The following INSL6 variants were observed in gnomAD, a reference collection of about 807,000 sequenced individuals.
INSL6 encodes insulin like 6.
Under a neutral mutation model 9.4 loss-of-function variants are expected in INSL6, and 16 were observed. That is an observed-to-expected ratio of 1.70 (90% CI 1.15 to 2.59). The LOEUF (loss-of-function observed/expected upper bound fraction) is 2.59, where lower values mean the gene tolerates loss of function less well. Ranked by LOEUF, INSL6 falls within the 30% of genes most tolerant of loss-of-function variation. The pLI is 0.00. For synonymous variants in INSL6, 154 were observed against 96.9 expected (o/e 1.59, Z -3.46); for missense variants, 391 against 257.3 (o/e 1.52, Z -3.56).
the INSL6 span, among the ~76,000 whole-genome samples, chr9:5,030,632 G>A: frequency 6.6e-6 from 1 of 152,034 alleles, no homozygotes; most frequent in African/African-American, 2.4e-5. Context: ...ATCCAAGCCT[G>A]GTTTGCTTCA....
At chr9:5,127,073 T>A (rs1478384616) in intron 3 of INSL6, 1 of 264,978 alleles carries the variant, frequency 3.8e-6, no homozygotes, top group Non-Finnish European at 7.2e-6. Flanking sequence ...AGAAAAAAAA[T>A]AGACTTTTTC....
chr9:5,024,619 A>C, the INSL6 span, among the ~76,000 whole-genome samples: 1 of 152,142 alleles, frequency 6.6e-6, no homozygotes, highest in Non-Finnish European at 1.5e-5. Context: ...TTTCCCAAAT[A>C]AACTCTCCTC....
chr9:5,116,313 A>C, the INSL6 span, among the ~76,000 whole-genome samples: 1 of 152,208 alleles, frequency 6.6e-6, no homozygotes, highest in Non-Finnish European at 1.5e-5. Flanking sequence ...TAATGCTTTA[A>C]TCTGGCATTA....
the INSL6 span, among the ~76,000 whole-genome samples, chr9:5,092,544 C>G: frequency 6.6e-6 from 1 of 151,940 alleles, no homozygotes; most frequent in Non-Finnish European, 1.5e-5. Context: ...TTACCTTAGA[C>G]AAAAGAATAG....
chr9:5,115,205 A>C, the INSL6 span, among the ~76,000 whole-genome samples: 5 of 152,212 alleles, frequency 3.3e-5, no homozygotes, highest in Admixed American at 2.6e-4. Flanking sequence ...AAAGAACTTA[A>C]ACAAGTTCAC....
At chr9:5,085,311 TACATCATCTATTAGCTGA>T in the INSL6 span, 1 of 744,554 alleles carries the variant, frequency 1.3e-6, no homozygotes, top group South Asian at 1.3e-5. Context: ...TGAAGTCGAA[TACATCATCTATTAGCTGA>T]AAAGCTATTC....
the INSL6 span, among the ~76,000 whole-genome samples, chr9:5,107,726 A>G: frequency 6.6e-6 from 1 of 152,146 alleles, no homozygotes; most frequent in East Asian, 1.9e-4. Context: ...TATCATCCCT[A>G]TGTGCCTAGA....
chr9:5,181,192 T>G (rs948497888), intron 1 of INSL6, among the ~76,000 whole-genome samples: 2 of 152,170 alleles, frequency 1.3e-5, no homozygotes, highest in Non-Finnish European at 2.9e-5. Flanking sequence ...AGCATACTTT[T>G]AAATATATAT....
downstream of INSL6, chr9:5,122,997 T>G: frequency 6.3e-7 from 1 of 1,580,844 alleles, no homozygotes; most frequent in Non-Finnish European, 8.7e-7. Context: ...TATTCATATA[T>G]TTACAGGTAT....
chr9:5,038,298 G>A, the INSL6 span, among the ~76,000 whole-genome samples: 8 of 152,094 alleles, frequency 5.3e-5, no homozygotes, highest in African/African-American at 1.9e-4. Context: ...AATCAAATTA[G>A]CAATTTTTAT....
chr9:5,008,999 T>G, the INSL6 span, among the ~76,000 whole-genome samples: 4 of 152,230 alleles, frequency 2.6e-5, no homozygotes, highest in African/African-American at 9.6e-5. Context: ...CTTTGAGTCG[T>G]ATTATTCAAC....
At chr9:5,100,403 A>G in the INSL6 span, 3 of 152,242 alleles carry the variant, frequency 2.0e-5, no homozygotes, top group African/African-American at 7.2e-5. Flanking sequence ...CTGTATACCA[A>G]TGATGATGTG....
chr9:5,041,710 A>C, the INSL6 span: 1 of 504,034 alleles, frequency 2.0e-6, no homozygotes, highest in Non-Finnish European at 4.0e-6. Flanking sequence ...TTCGACTCTG[A>C]GTACGAGGGG....
chr9:5,045,638 A>G, the INSL6 span, among the ~76,000 whole-genome samples: 2 of 152,102 alleles, frequency 1.3e-5, no homozygotes, highest in Non-Finnish European at 2.9e-5. Flanking sequence ...TGCCTTTTCT[A>G]TGTACCTCAT....
At chr9:5,162,365 C>A (rs148454265), downstream of INSL6, among the ~76,000 whole-genome samples, 1 of 152,042 alleles carries the variant, frequency 6.6e-6, no homozygotes, top group Non-Finnish European at 1.5e-5. Context: ...ATCTAACATA[C>A]AAATTATTAA....
the INSL6 span, chr9:5,050,893 A>T: frequency 7.1e-7 from 1 of 1,414,124 alleles, no homozygotes; most frequent in African/African-American, 1.4e-5. Flanking sequence ...TAATTCGTAT[A>T]TATTTTCTGT....
At chr9:5,090,540 A>C in the INSL6 span, 1 of 1,595,534 alleles carries the variant, frequency 6.3e-7, no homozygotes, top group Non-Finnish European at 8.5e-7. Flanking sequence ...ATCACATAAA[A>C]CTTCTGCAGT....
the INSL6 span, among the ~76,000 whole-genome samples, chr9:5,093,522 G>A: frequency 6.6e-6 from 1 of 152,136 alleles, no homozygotes; most frequent in Non-Finnish European, 1.5e-5. Flanking sequence ...CAAATAAGAT[G>A]AGAAGACCCC....
chr9:5,083,839 A>G, the INSL6 span, among the ~76,000 whole-genome samples: 1 of 152,186 alleles, frequency 6.6e-6, no homozygotes, highest in Non-Finnish European at 1.5e-5. Flanking sequence ...GGAAAATATT[A>G]CAATGAAGAT....
Sources: allele counts gnomAD v4.1 joint callset (sites outside exome capture counted in the v4.1 genomes callset), GRCh38; gene constraint gnomAD v4.1.1; transcripts MANE v1.5; gene names NCBI Gene and HGNC (gene_info 2026-07-23, HGNC 2026-07-21).